Variants in PAH observed in about 807,000 individuals in gnomAD.
PAH encodes phenylalanine-4-hydroxylase.
A neutral mutation model predicts 62.0 loss-of-function variants in PAH; 64 were observed. The ratio of observed to expected loss-of-function variants is 1.03; its 90% CI spans 0.84 to 1.27. The LOEUF is 1.27. Among genes scored for constraint, PAH ranks in the 50% most tolerant of loss-of-function variants. The probability of loss-of-function intolerance (pLI) is 0.00; values close to 1 mark genes in which losing one functional copy is unlikely to be tolerated. For synonymous variants in PAH, 195 were observed against 196.2 expected, an observed-to-expected ratio of 0.99 and a Z score of 0.05; for missense variants, 579 against 542.8, an observed-to-expected ratio of 1.07 and a Z score of -0.66.
chr12:102,873,557 G>T (rs1592966503), intron 4 of PAH, among the ~76,000 whole-genome samples: 1 of 152,322 alleles, frequency 6.6e-6, no homozygotes, highest in East Asian at 1.9e-4. Context: ...GCTAGACTCA[G>T]ATCTTCCTCT....
chr12:102,907,758 A>T (rs1003094870), intron 2 of PAH, among the ~76,000 whole-genome samples: 1 of 152,098 alleles, frequency 6.6e-6, no homozygotes, highest in African/African-American at 2.4e-5. Flanking sequence ...AGCTGGGATT[A>T]CAAGTATGCG....
At chr12:102,910,671 C>T (rs1190070863) in intron 2 of PAH, among the ~76,000 whole-genome samples, 1 of 152,118 alleles carries the variant, frequency 6.6e-6, no homozygotes, top group Non-Finnish European at 1.5e-5. Context: ...TTCTTAATAA[C>T]GACTTTTGAA....
chr12:102,946,409 GGT>G, intron 1 of PAH, among the ~76,000 whole-genome samples: 1 of 152,202 alleles, frequency 6.6e-6, no homozygotes, highest in Non-Finnish European at 1.5e-5. Context: ...AGCCCATGTT[GGT>G]GAGACTTGCA....
At chr12:102,923,535 C>T (rs977961148) in intron 1 of PAH, 1 of 152,044 alleles carries the variant, frequency 6.6e-6, no homozygotes, top group Non-Finnish European at 1.5e-5. Flanking sequence ...TGTTAGGTAC[C>T]CAGGCATGTG....
chr12:102,943,179 CA>C (rs1489693938), intron 1 of PAH, among the ~76,000 whole-genome samples: 1 of 152,078 alleles, frequency 6.6e-6, no homozygotes, highest in African/African-American at 2.4e-5. Flanking sequence ...ACGCATCCAA[CA>C]AAGGTCTAAT....
At chr12:102,946,195 C>T (rs1015014850) in intron 1 of PAH, among the ~76,000 whole-genome samples, 5 of 152,180 alleles carry the variant, frequency 3.3e-5, no homozygotes, top group Non-Finnish European at 5.9e-5. Flanking sequence ...GGAGTCTCTC[C>T]TGGAGCTGTG....
intron 1 of PAH, among the ~76,000 whole-genome samples, chr12:102,925,369 G>A (rs1469779685): frequency 5.3e-5 from 8 of 152,214 alleles, no homozygotes; most frequent in Middle Eastern, 3.4e-3. Context: ...AGCATTTGTG[G>A]TTATTGATAT....
At chr12:102,928,144 T>A (rs1034403137) in intron 1 of PAH, among the ~76,000 whole-genome samples, 36 of 152,316 alleles carry the variant, frequency 2.4e-4, no homozygotes, top group African/African-American at 8.4e-4. Flanking sequence ...GCTTTTATTT[T>A]AAAATTTTTT....
chr12:102,924,322 A>G (rs1878629070), intron 1 of PAH, among the ~76,000 whole-genome samples: 1 of 152,098 alleles, frequency 6.6e-6, no homozygotes, highest in South Asian at 2.1e-4. Flanking sequence ...CAAAACAATC[A>G]CATTCAATGT....
At chr12:102,890,035 G>A (rs1313991065) in intron 3 of PAH, among the ~76,000 whole-genome samples, 2 of 152,180 alleles carry the variant, frequency 1.3e-5, no homozygotes, top group East Asian at 1.9e-4. Flanking sequence ...TTCTCCAGGA[G>A]GCATTTGAGA....
chr12:102,844,360 G>A lies in PAH; in HGVS notation c.1041C>T (p.Leu347=), dbSNP rs1233192488. 3 of 1,613,326 alleles carry A rather than the reference G, an allele frequency of 1.9e-6. No individual in the cohort carries two copies. Among genetic ancestry groups the A allele is most frequent in the Admixed American group, 1.7e-5 (1 of 60,000 alleles). Residue 347 remains leucine (L), a synonymous_variant, in exon 10 of 13, where the codon CTC becomes CTT. Coordinates refer to ENST00000553106, the MANE Select transcript of PAH (RefSeq NM_000277.3). The part of the protein sequence containing the change: ...GDSIKAYGAG[L]LSSFGELQYC... ...CCTGTAATTCACCAAAGGATGACAGGAGCCCAGCACCATATGCCTTTATGG... is the reference window on the plus strand; with the variant it reads ...CCTGTAATTCACCAAAGGATGACAGAAGCCCAGCACCATATGCCTTTATGG...
At chr12:102,864,157 G>A (rs1229169590) in intron 5 of PAH, among the ~76,000 whole-genome samples, 2 of 152,106 alleles carry the variant, frequency 1.3e-5, no homozygotes, top group African/African-American at 2.4e-5. Context: ...AGAGAAAAAA[G>A]GGGCAAAGGT....
intron 4 of PAH, among the ~76,000 whole-genome samples, chr12:102,873,128 C>T (rs1262437944): frequency 6.6e-6 from 1 of 152,182 alleles, no homozygotes; most frequent in Non-Finnish European, 1.5e-5. Flanking sequence ...ATAGGTAGCT[C>T]TGGAGTTGGG....
intron 9 of PAH, among the ~76,000 whole-genome samples, chr12:102,845,618 T>C (rs1358104898): frequency 6.6e-6 from 1 of 152,214 alleles, no homozygotes; most frequent in Non-Finnish European, 1.5e-5. Context: ...CTCAGTTAGC[T>C]GCTGGAGACA....
chr12:102,940,224 G>C (rs1474509507), intron 1 of PAH, among the ~76,000 whole-genome samples: 2 of 152,172 alleles, frequency 1.3e-5, no homozygotes. Context: ...ATCCCACACA[G>C]ATGAGAAAGA....
intron 2 of PAH, among the ~76,000 whole-genome samples, chr12:102,905,248 G>C (rs1051455852): frequency 6.6e-6 from 1 of 152,244 alleles, no homozygotes; most frequent in African/African-American, 2.4e-5. Context: ...TGGAACCAAA[G>C]ATATGAATTC....
intron 5 of PAH, among the ~76,000 whole-genome samples, chr12:102,857,088 T>A (rs1181487333): frequency 6.6e-6 from 1 of 152,156 alleles, no homozygotes; most frequent in Non-Finnish European, 1.5e-5. Context: ...GAAAAAAGAT[T>A]AGATGAATGG....
chr12:102,882,677 A>ATATATATATATATAT (rs1461425878), intron 3 of PAH, among the ~76,000 whole-genome samples: 2 of 45,796 alleles, frequency 4.4e-5, no homozygotes, highest in Non-Finnish European at 7.4e-5. Context: ...TATATATATA[A>ATATATATATATATAT]AATTTTTTTC....
rs1347265181 is a variant in PAH, at chr12:102,855,209, T to G, written c.633A>C (p.Pro211=). 2.3e-5 allele frequency: 37 copies of G among 1,614,016 alleles called. No individual in the cohort carries two copies. Among genetic ancestry groups the G allele is most frequent in the Non-Finnish European group, 3.1e-5 (37 of 1,180,012 alleles). The stretch of plus-strand genomic sequence containing the variant: ...GGAAGCCACAGTACTTTTCAAGAAG[T>G]GGAAAAATGTGATTGTACTCATAGC... ...HACYEYNHIF[P]LLEKYCGFHE... is the part of the protein sequence containing the mutation. The change falls in exon 6 of 13, where the codon CCA becomes CCC. Residue 211 remains proline, a synonymous_variant. Transcript: ENST00000553106.
Sources: gnomAD v4.1 joint callset for allele counts (sites outside exome capture counted in the v4.1 genomes callset) on GRCh38, gnomAD v4.1.1 for gene constraint, MANE v1.5 for transcripts, NCBI Gene and HGNC (gene_info 2026-07-23, HGNC 2026-07-21) for gene names.